COLGALT1: variants seen among roughly 807,000 people sequenced by gnomAD.
The protein encoded by COLGALT1 is collagen beta(1-O)galactosyltransferase 1.
A neutral mutation model predicts 60.8 loss-of-function variants in COLGALT1; 43 were observed. That is an observed-to-expected ratio of 0.71 (90% confidence interval 0.55 to 0.91). COLGALT1 has a LOEUF of 0.91. Among genes scored for constraint, COLGALT1 ranks in the 40% least tolerant of loss-of-function variants. COLGALT1 has a pLI of 0.00. For synonymous variants in COLGALT1, 369 were observed against 374.2 expected (o/e 0.99, Z 0.16); for missense variants, 845 against 880.0 (o/e 0.96, Z 0.50).
intron 10 of COLGALT1, 48 bp downstream of exon 10, chr19:17,579,657 C>T (rs772059277): frequency 6.6e-7 from 1 of 1,525,066 alleles, no homozygotes; most frequent in Non-Finnish European, 8.9e-7. Flanking sequence ...TGGGGCAAGG[C>T]CAGGACTTAG....
rs201380344 is a variant in COLGALT1 at position 17,580,824 on chromosome 19, G to A, written c.1520G>A (p.Arg507His). The A allele has an allele frequency of 2.7e-5, 44 of 1,613,882 alleles. No individual in the cohort carries two copies. The highest frequency in any genetic ancestry group is 2.3e-4 in the South Asian group (21 of 91,064). The change falls in exon 11 of 12, where the codon CGC becomes CAC. Residue 507 changes from arginine to histidine, a missense_variant. Coordinates refer to ENST00000252599, the MANE Select transcript of COLGALT1 (RefSeq NM_024656.4). ...LAYVISLQGA[R>H]KLLAAEPLSK... ...TACGTGATCTCCCTGCAAGGCGCCC[G>A]CAAACTGCTGGCTGCTGAGCCGCTC...
chr19:17,574,226 C>T (rs543408266), intron 6 of COLGALT1, among the ~76,000 whole-genome samples: 2 of 152,046 alleles, frequency 1.3e-5, no homozygotes, highest in South Asian at 2.1e-4. Context: ...GCCTCTGTCC[C>T]GGGGCTCAGT....
At chr19:17,567,030 G>T (rs1265405753) in intron 3 of COLGALT1, among the ~76,000 whole-genome samples, 1 of 151,968 alleles carries the variant, frequency 6.6e-6, no homozygotes, top group Non-Finnish European at 1.5e-5. Context: ...CAGGAGAATC[G>T]CTTGAACCCA....
Position 17,581,427 on chromosome 19 carries a change from G to T in COLGALT1, c.1852G>T (p.Ala618Ser). The change falls in exon 12 of 12, where the codon GCC becomes TCC. Residue 618 changes from alanine (A) to serine (S), a missense_variant. Physicochemically the swap from Ala to Ser is moderately conservative, Grantham distance 99. Transcript: ENST00000252599. ...DVLQSPLDSA[A>S]RDEL ...GCTCCAGTCCCCACTGGACAGTGCT[G>T]CCCGGGATGAACTCTGAGGGGTAGC... The T allele has an allele frequency of 6.2e-7, 1 of 1,608,960 alleles. No homozygotes were observed.
chr19:17,575,017 G>C (rs2076333039), intron 6 of COLGALT1, among the ~76,000 whole-genome samples: 1 of 152,038 alleles, frequency 6.6e-6, no homozygotes, highest in African/African-American at 2.4e-5. Flanking sequence ...CCACTACCAT[G>C]CTCAGCTAAT....
rs1460735714 is a variant in COLGALT1 at position 17,579,616 on chromosome 19, G to T, written c.1394+7G>T. On this transcript the variant is annotated splice_region_variant and intron_variant, in intron 10 of 11. Coordinates refer to ENST00000252599, the MANE Select transcript of COLGALT1 (RefSeq NM_024656.4). ...GCCTGGACTGGGACCTCATGTGAGT[G>T]GGGGTCTGAGGATGGGGTGAAGCTG... 2 of 1,612,210 alleles carry T rather than the reference G, an allele frequency of 1.2e-6. No individual in the cohort carries two copies. Among genetic ancestry groups the T allele is most frequent in the Non-Finnish European group, 1.7e-6 (2 of 1,178,926 alleles).
chr19:17,560,308 A>G (rs577164295), intron 2 of COLGALT1, 40 bp from the exon 3 acceptor site: 1 of 1,555,988 alleles, frequency 6.4e-7, no homozygotes, highest in Non-Finnish European at 8.9e-7. Flanking sequence ...GGGCTTTGAT[A>G]GTGCCTTGTG....
At chr19:17,567,642 A>G (rs4808667) in intron 4 of COLGALT1, 102 bp downstream of exon 4, 561,629 of 1,361,484 alleles carry the variant, frequency 0.41, 124,191 homozygotes, top group Non-Finnish European at 0.45. Flanking sequence ...TGTGTTTTAC[A>G]AAAATCATCA....
rs1599785563 is a variant in COLGALT1, at chr19:17,568,818, T to C, written c.829+105T>C. ...CTGAAGATTCACAGAACCCAAACAA[T>C]GCAGCGCAGGGCTGACTTCAGGTGC... is the stretch of plus-strand genomic sequence containing the variant. On this transcript the variant is annotated intron_variant, in intron 5 of 11. Coordinates refer to ENST00000252599, the MANE Select transcript of COLGALT1 (RefSeq NM_024656.4). 4.4e-6 allele frequency: 5 copies of C among 1,137,522 alleles called. No homozygotes were observed. In the East Asian group the frequency reaches 1.2e-4, roughly 28 times the overall value. The allele number at this position is 1,137,522 out of a possible 1,614,324, so 70.5% of individuals were successfully genotyped here.
intron 6 of COLGALT1, among the ~76,000 whole-genome samples, chr19:17,575,277 G>A (rs879885231): frequency 6.6e-6 from 1 of 151,694 alleles, no homozygotes; most frequent in Non-Finnish European, 1.5e-5. Context: ...ACGGAGTCTC[G>A]CTCTGTCTCC....
At chr19:17,578,193 A>T in intron 9 of COLGALT1, 104 bp downstream of exon 9, 2 of 1,324,494 alleles carry the variant, frequency 1.5e-6, no homozygotes, top group South Asian at 3.6e-5. Context: ...CCGGCTAGGC[A>T]TCCAGCCTCA....
At position 17,580,699 on chromosome 19, in the gene COLGALT1, C is replaced by G. The variant is rs200972241; in HGVS notation, c.1395C>G (p.Ile465Met). 5 of 1,613,910 alleles carry G rather than the reference C, an allele frequency of 3.1e-6. No homozygotes were observed. The Admixed American group carries it at 8.3e-5, about 27-fold the overall frequency. The change falls in exon 11 of 12, where the codon ATC becomes ATG. Residue 465 changes from isoleucine to methionine, a missense_variant and splice_region_variant. Coordinates refer to ENST00000252599, the MANE Select transcript of COLGALT1 (RefSeq NM_024656.4). The part of the protein sequence containing the change: ...VEREGLDWDL[I>M]YVGRKRMQVE... The stretch of plus-strand genomic sequence containing the variant: ...TGACAGGCCCGATCTTGCACCCCAG[C>G]TATGTGGGCCGGAAGCGGATGCAGG...
chr19:17,575,280 C>G (rs545779250), intron 6 of COLGALT1, among the ~76,000 whole-genome samples: 1 of 152,272 alleles, frequency 6.6e-6, no homozygotes, highest in African/African-American at 2.4e-5. Flanking sequence ...GAGTCTCGCT[C>G]TGTCTCCCAG....
intron 11 of COLGALT1, 46 bp from the exon 12 acceptor site, chr19:17,581,131 C>T (rs1438797120): frequency 6.3e-7 from 1 of 1,589,842 alleles, no homozygotes; most frequent in South Asian, 1.1e-5. Flanking sequence ...GCTGTCCCGT[C>T]CCCTGAAGCC....
In COLGALT1 at chr19:17,581,118, C is replaced by T. The variant is rs1038559610; in HGVS notation, c.1602-59C>T. 1.8e-5 allele frequency: 28 copies of T among 1,570,982 alleles called. No homozygotes were observed. The Admixed American group carries it at 4.3e-4, about 24-fold the overall frequency. On this transcript the variant is annotated intron_variant, in intron 11 of 11. Transcript: ENST00000252599. ...GACTTCTTCACCCCCAATTTTTCCT[C>T]CAGCTGTCCCGTCCCCTGAAGCCAT...
At chr19:17,569,621 G>A (rs754766677) in intron 5 of COLGALT1, among the ~76,000 whole-genome samples, 1 of 151,928 alleles carries the variant, frequency 6.6e-6, no homozygotes, top group South Asian at 2.1e-4. Flanking sequence ...ATTTATAGTA[G>A]AGACAGGGTT....
intron 7 of COLGALT1, 24 bp downstream of exon 7, chr19:17,577,295 C>T (rs368899541): frequency 1.1e-5 from 18 of 1,611,728 alleles, no homozygotes; most frequent in African/African-American, 9.4e-5. Context: ...TCCCTGGAGG[C>T]GGGGCGGGGG....
At chr19:17,573,270 G>A (rs969899913) in intron 6 of COLGALT1, among the ~76,000 whole-genome samples, 1 of 152,096 alleles carries the variant, frequency 6.6e-6, no homozygotes. Flanking sequence ...GCTCATGCCT[G>A]TAATCCTAAC....
intron 11 of COLGALT1, 132 bp downstream of exon 11, chr19:17,581,037 G>A (rs1366410817): frequency 4.3e-6 from 6 of 1,383,482 alleles, no homozygotes; most frequent in Admixed American, 1.9e-5. Context: ...TTGCCCCCTC[G>A]CAGATCTGTC....
Sources: gnomAD v4.1 joint callset for allele counts (sites outside exome capture counted in the v4.1 genomes callset) on GRCh38, gnomAD v4.1.1 for gene constraint, MANE v1.5 for transcripts, NCBI Gene and HGNC (gene_info 2026-07-23, HGNC 2026-07-21) for gene names.